Variants in INPP5A observed in about 807,000 individuals in gnomAD.
INPP5A encodes the protein inositol polyphosphate-5-phosphatase A, also known as 43 kDa inositol polyphosphate 5-phophatase.
A neutral mutation model predicts 65.2 loss-of-function variants in INPP5A; 14 were observed. The observed-to-expected ratio is 0.21, with a 90% CI of 0.14 to 0.34. The LOEUF (loss-of-function observed/expected upper bound fraction) is 0.34, where lower values mean the gene tolerates loss of function less well. Ranked by LOEUF, INPP5A falls within the 10% of genes least tolerant of loss-of-function variation. The probability of loss-of-function intolerance (pLI) is 1.00; values close to 1 mark genes in which losing one functional copy is unlikely to be tolerated. For missense variants in INPP5A, 431 were observed against 545.6 expected, an observed-to-expected ratio of 0.79 and a Z score of 2.09; for synonymous variants, 207 against 208.3, an observed-to-expected ratio of 0.99 and a Z score of 0.05.
chr10:132,776,881 C>T (rs1335364326), intron 12 of INPP5A, among the ~76,000 whole-genome samples: 2 of 152,022 alleles, frequency 1.3e-5, no homozygotes, highest in Non-Finnish European at 2.9e-5. Context: ...TCCGTGTGTG[C>T]GTGGACTGCT....
intron 2 of INPP5A, among the ~76,000 whole-genome samples, chr10:132,612,356 T>C (rs1419806016): frequency 1.3e-5 from 2 of 152,052 alleles, no homozygotes; most frequent in Non-Finnish European, 2.9e-5. Flanking sequence ...TGGTGTCTTA[T>C]CACATGGTGA....
intron 9 of INPP5A, among the ~76,000 whole-genome samples, chr10:132,735,148 C>T (rs1449327627): frequency 6.6e-6 from 1 of 152,206 alleles, no homozygotes; most frequent in East Asian, 1.9e-4. Flanking sequence ...TAGTCCTCCC[C>T]ACCCTCTGCA....
At chr10:132,609,087 C>T (rs931188965) in intron 2 of INPP5A, among the ~76,000 whole-genome samples, 8 of 152,182 alleles carry the variant, frequency 5.3e-5, no homozygotes, top group Non-Finnish European at 7.4e-5. Flanking sequence ...CACGTGTGTG[C>T]GCATGTGTGT....
rs2071826265 is a variant in INPP5A, at chr10:132,604,896, G to A, written c.76-3019G>A. Among the ~76,000 whole-genome samples the A allele has an allele frequency of 4.6e-5, 7 of 152,348 alleles. 1 individual carries two copies. In the South Asian group the frequency reaches 1.5e-3, roughly 32 times the overall value. On this transcript the variant is annotated intron_variant, in intron 1 of 15. Transcript: ENST00000368594. ...CCTGGGGCCAGAGGACCAAATGTCT[G>A]AGACTCAGAGCAAAGCAGGTGGAGC...
intron 2 of INPP5A, among the ~76,000 whole-genome samples, chr10:132,640,963 A>T (rs1203205923): frequency 6.6e-6 from 1 of 152,068 alleles, no homozygotes; most frequent in Non-Finnish European, 1.5e-5. Context: ...TTCCGCCGGG[A>T]TGCTCTGCCA....
intron 4 of INPP5A, among the ~76,000 whole-genome samples, chr10:132,660,382 G>A (rs1490355618): frequency 6.6e-6 from 1 of 152,204 alleles, no homozygotes; most frequent in Non-Finnish European, 1.5e-5. Flanking sequence ...AGGAGCTACT[G>A]TTTTCATAGT....
intron 3 of INPP5A, among the ~76,000 whole-genome samples, chr10:132,648,794 G>T (rs2072533545): frequency 6.6e-6 from 1 of 152,122 alleles, no homozygotes; most frequent in South Asian, 2.1e-4. Context: ...TCCACTGCTA[G>T]GTTTTGTCTT....
intron 1 of INPP5A, among the ~76,000 whole-genome samples, chr10:132,576,470 T>G (rs1199469986): frequency 2.6e-5 from 4 of 152,144 alleles, no homozygotes; most frequent in Non-Finnish European, 5.9e-5. Flanking sequence ...AATCTAGCCT[T>G]GGGCTCTGGG....
chr10:132,542,034 G>T (rs1050570606), intron 1 of INPP5A, among the ~76,000 whole-genome samples: 12 of 152,242 alleles, frequency 7.9e-5, no homozygotes, highest in African/African-American at 2.4e-4. Flanking sequence ...GAGGTTTCTG[G>T]CTTTTGGTTC....
At chr10:132,777,033 G>A (rs1041325715) in intron 12 of INPP5A, among the ~76,000 whole-genome samples, 4 of 152,190 alleles carry the variant, frequency 2.6e-5, no homozygotes, top group Non-Finnish European at 5.9e-5. Flanking sequence ...CTCACTGTGT[G>A]GGTGAAGGGC....
intron 14 of INPP5A, among the ~76,000 whole-genome samples, chr10:132,781,499 C>G (rs1822292255): frequency 6.6e-6 from 1 of 152,262 alleles, no homozygotes; most frequent in South Asian, 2.1e-4. Flanking sequence ...AGACGCTGGA[C>G]CTGCCAGGTG....
intron 4 of INPP5A, among the ~76,000 whole-genome samples, chr10:132,681,013 A>G (rs2073036257): frequency 6.6e-6 from 1 of 152,202 alleles, no homozygotes; most frequent in African/African-American, 2.4e-5. Flanking sequence ...AGTCCCATCG[A>G]CCACCCAAGG....
At chr10:132,703,461 A>G (rs1238794425) in intron 6 of INPP5A, among the ~76,000 whole-genome samples, 1 of 103,588 alleles carries the variant, frequency 9.7e-6, no homozygotes, top group Non-Finnish European at 1.9e-5. Context: ...CACATGCTTC[A>G]CCCACAGACA....
At chr10:132,548,857 C>T (rs928316122) in intron 1 of INPP5A, among the ~76,000 whole-genome samples, 3 of 135,650 alleles carry the variant, frequency 2.2e-5, no homozygotes, top group Non-Finnish European at 3.0e-5. Context: ...AGTGCGGTGG[C>T]GCAGTCACCA....
At chr10:132,743,835 A>T (rs1296030948) in intron 9 of INPP5A, among the ~76,000 whole-genome samples, 1 of 152,078 alleles carries the variant, frequency 6.6e-6, no homozygotes, top group Non-Finnish European at 1.5e-5. Context: ...ACACCCTCCA[A>T]GGCCGGCCCC....
chr10:132,661,093 C>G (rs1378641471), intron 4 of INPP5A, among the ~76,000 whole-genome samples: 4 of 152,114 alleles, frequency 2.6e-5, no homozygotes. Flanking sequence ...TGCACAATGC[C>G]CCCACCCACA....
intron 8 of INPP5A, among the ~76,000 whole-genome samples, chr10:132,719,702 C>T (rs1437491808): frequency 6.6e-6 from 1 of 150,382 alleles, no homozygotes; most frequent in Non-Finnish European, 1.5e-5. Flanking sequence ...TCTGTGGTAC[C>T]TGGGTTCTGT....
At chr10:132,542,523 T>C (rs1564909861) in intron 1 of INPP5A, among the ~76,000 whole-genome samples, 2 of 152,174 alleles carry the variant, frequency 1.3e-5, no homozygotes, top group Admixed American at 6.5e-5. Context: ...AACTCTGAAC[T>C]CCATGTTTCC....
intron 6 of INPP5A, among the ~76,000 whole-genome samples, chr10:132,701,922 G>A (rs919400959): frequency 2.0e-5 from 3 of 152,232 alleles, no homozygotes; most frequent in Non-Finnish European, 2.9e-5. Flanking sequence ...GGGAAATGAG[G>A]GTGGTACCTG....
Sources: allele counts gnomAD v4.1 joint callset (sites outside exome capture counted in the v4.1 genomes callset), GRCh38; gene constraint gnomAD v4.1.1; transcripts MANE v1.5; gene names NCBI Gene and HGNC (gene_info 2026-07-23, HGNC 2026-07-21).